The following LGALS9 variants were observed in gnomAD, a reference collection of about 807,000 sequenced individuals.
The protein encoded by LGALS9 is galectin-9.
Under a neutral mutation model 35.9 loss-of-function variants are expected in LGALS9, and 26 were observed. The observed-to-expected ratio is 0.72, with a 90% CI of 0.53 to 1.01. LGALS9 has a LOEUF of 1.01. Ranked by LOEUF, LGALS9 falls within the 50% of genes least tolerant of loss-of-function variation. The probability of loss-of-function intolerance (pLI) is 0.00; values close to 1 mark genes in which losing one functional copy is unlikely to be tolerated. For synonymous variants in LGALS9, 149 were observed against 172.2 expected (o/e 0.87, Z 1.06); for missense variants, 347 against 445.8 (o/e 0.78, Z 1.99).
At position 27,648,867 on chromosome 17, in the gene LGALS9, A is replaced by C. The variant is rs543186223; in HGVS notation, c.953A>C (p.Lys318Thr). The stretch of plus-strand genomic sequence containing the variant: ...ATCTTGTGTGAAGCTCACTGCCTCA[A>C]GGTGGCCGTGGATGGTCAGCACCTG... The part of the protein sequence containing the change: ...VWILCEAHCL[K>T]VAVDGQHLFE... The change falls in exon 11 of 11, where the codon AAG (lysine) becomes ACG (threonine). Residue 318 changes from lysine to threonine, a missense_variant. Physicochemically the swap from Lys to Thr is moderately conservative, Grantham distance 78. Coordinates refer to ENST00000395473, the MANE Select transcript of LGALS9 (RefSeq NM_009587.3). 1 of 1,613,884 alleles carries C rather than the reference A, an allele frequency of 6.2e-7. No homozygotes were observed. The highest frequency in any genetic ancestry group is 1.3e-5 in the African/African-American group (1 of 75,002).
intron 5 of LGALS9, 71 bp downstream of exon 5, chr17:27,643,691 C>T (rs891820259): frequency 2.2e-5 from 33 of 1,510,080 alleles, no homozygotes; most frequent in Non-Finnish European, 2.9e-5. Context: ...AGAGGCTGGC[C>T]CCAGCCAGCA....
intron 7 of LGALS9, 92 bp from the exon 8 acceptor site, chr17:27,646,455 T>G: frequency 6.3e-7 from 1 of 1,589,980 alleles, no homozygotes; most frequent in Non-Finnish European, 8.6e-7. Flanking sequence ...AGCCTCACAG[T>G]GGAGTCCTCT....
intron 3 of LGALS9, among the ~76,000 whole-genome samples, chr17:27,641,513 C>A (rs1345165756): frequency 1.3e-5 from 2 of 152,126 alleles, no homozygotes; most frequent in African/African-American, 4.8e-5. Context: ...GGGGAAACAA[C>A]ACACCCTTGG....
chr17:27,634,924 C>A (rs1301909759), intron 1 of LGALS9, among the ~76,000 whole-genome samples: 4 of 152,176 alleles, frequency 2.6e-5, no homozygotes, highest in Non-Finnish European at 5.9e-5. Context: ...ACTTCCCCCA[C>A]CCACTTTTTA....
chr17:27,637,753 C>A (rs12449977), intron 1 of LGALS9, among the ~76,000 whole-genome samples: 3 of 152,068 alleles, frequency 2.0e-5, no homozygotes, highest in Non-Finnish European at 1.5e-5. Flanking sequence ...TCTTAACCTC[C>A]TCGGGTGAGT....
chr17:27,648,837 T>C lies in LGALS9; in HGVS notation c.923T>C (p.Val308Ala), dbSNP rs1395447807. 1 of 1,613,344 alleles carries C rather than the reference T, an allele frequency of 6.2e-7. No homozygotes were observed. The highest frequency in any genetic ancestry group is 8.5e-7 in the Non-Finnish European group (1 of 1,179,774). Residue 308 changes from valine to alanine, a missense_variant and splice_region_variant, in exon 11 of 11, where the codon GTG (valine) becomes GCG (alanine). Val to Ala is a moderately conservative substitution (Grantham distance 64). Coordinates refer to ENST00000395473, the MANE Select transcript of LGALS9 (RefSeq NM_009587.3). Reference sequence around the variant, plus strand: ...GCAAACGGCATGATCTCTGCACAGGTGTGGATCTTGTGTGAAGCTCACTGC... The same window carrying C: ...GCAAACGGCATGATCTCTGCACAGGCGTGGATCTTGTGTGAAGCTCACTGC... Reference protein sequence around the residue: ...MPFVRGQSFSVWILCEAHCLK... With the variant: ...MPFVRGQSFSAWILCEAHCLK...
intron 1 of LGALS9, among the ~76,000 whole-genome samples, chr17:27,635,545 G>A (rs1383242493): frequency 6.6e-6 from 1 of 152,230 alleles, no homozygotes; most frequent in East Asian, 1.9e-4. Flanking sequence ...ACCTCACAGA[G>A]CTTTTTTGGG....
chr17:27,648,718 G>T (rs1258307455), intron 10 of LGALS9, 118 bp from the exon 11 acceptor site: 1 of 1,554,294 alleles, frequency 6.4e-7, no homozygotes, highest in Non-Finnish European at 8.8e-7. Flanking sequence ...ATAGAGTGCA[G>T]GTGAGGGGCT....
At chr17:27,647,221 G>A (rs1342711645) in intron 9 of LGALS9, 49 bp from the exon 10 acceptor site, 1 of 1,613,542 alleles carries the variant, frequency 6.2e-7, no homozygotes, top group Non-Finnish European at 8.5e-7. Context: ...GGGAGGAAAT[G>A]GGACTCAGAA....
At chr17:27,631,437 A>G (rs1350636895) in intron 1 of LGALS9, 133 bp downstream of exon 1, 3 of 1,220,648 alleles carry the variant, frequency 2.5e-6, no homozygotes, top group African/African-American at 3.0e-5. Context: ...CAGGGCAGAA[A>G]TATCAGAGGA....
At chr17:27,641,272 T>C (rs1324767846) in intron 3 of LGALS9, among the ~76,000 whole-genome samples, 2 of 152,126 alleles carry the variant, frequency 1.3e-5, no homozygotes. Flanking sequence ...ATGTCCCCAT[T>C]CGTTCAGTAT....
At chr17:27,646,639 G>T (rs776122101) in intron 8 of LGALS9, 51 bp downstream of exon 8, 7 of 1,612,592 alleles carry the variant, frequency 4.3e-6, no homozygotes, top group South Asian at 1.1e-5. Flanking sequence ...TGGGCAGGCT[G>T]GGGGTGAAGG....
chr17:27,643,375 T>C (rs1904666307), intron 4 of LGALS9, 150 bp from the exon 5 acceptor site: 3 of 1,261,366 alleles, frequency 2.4e-6, no homozygotes, highest in African/African-American at 1.5e-5. Context: ...AGCCTGGCTC[T>C]TTCCCATCCC....
rs182583916 is a variant in LGALS9, at chr17:27,645,095, G to A, written c.541-219G>A. On this transcript the variant is annotated intron_variant, in intron 5 of 10. Coordinates refer to ENST00000395473, the MANE Select transcript of LGALS9 (RefSeq NM_009587.3). Reference sequence around the variant, plus strand: ...GTCTCCTCTCTCTCGAGAGGAACCAGTGGGGATACCCTACCCCCCAACCCC... The same window carrying A: ...GTCTCCTCTCTCTCGAGAGGAACCAATGGGGATACCCTACCCCCCAACCCC... The A allele has an allele frequency of 3.5e-3, 2,756 of 790,948 alleles. 14 individuals are homozygous for A. Among genetic ancestry groups the A allele is most frequent in the South Asian group, 7.6e-3 (422 of 55,842 alleles). 49.0% of individuals were successfully genotyped at this position (790,948 alleles called of 1,614,324 possible).
chr17:27,639,577 A>AT (rs1904328165), intron 2 of LGALS9, among the ~76,000 whole-genome samples: 1 of 151,942 alleles, frequency 6.6e-6, no homozygotes, highest in Non-Finnish European at 1.5e-5. Context: ...TAATTAATTA[A>AT]TTTTTTTCTT....
chr17:27,633,861 TTCA>T (rs1407424359), intron 1 of LGALS9, among the ~76,000 whole-genome samples: 7 of 152,164 alleles, frequency 4.6e-5, no homozygotes, highest in African/African-American at 1.7e-4. Context: ...TGTCCTGCCA[TTCA>T]GAGGAGGGAA....
chr17:27,635,489 A>G (rs1326823535), intron 1 of LGALS9, among the ~76,000 whole-genome samples: 1 of 143,236 alleles, frequency 7.0e-6, no homozygotes, highest in Non-Finnish European at 1.5e-5. Context: ...TAAATAAATA[A>G]TCTTGTTTTT....
chr17:27,640,630 C>T lies in LGALS9; in HGVS notation c.190C>T (p.Pro64Ser). ...SGNDIAFHFN[P>S]RFEDGGYVVC... ...AAATGACATTGCCTTCCACTTCAAC[C>T]CTCGGTTTGAAGATGGAGGGTACGT... The change falls in exon 3 of 11, where the codon CCT becomes TCT. Residue 64 changes from proline (P) to serine (S), a missense_variant. Physicochemically the swap from Pro to Ser is moderately conservative, Grantham distance 74. Coordinates refer to ENST00000395473, the MANE Select transcript of LGALS9 (RefSeq NM_009587.3). 6.2e-7 allele frequency: 1 copy of T among 1,614,182 alleles called. No individual in the cohort carries two copies. Among genetic ancestry groups the T allele is most frequent in the Admixed American group, 1.7e-5 (1 of 60,020 alleles).
chr17:27,635,115 G>A (rs2074432366), intron 1 of LGALS9, among the ~76,000 whole-genome samples: 1 of 152,224 alleles, frequency 6.6e-6, no homozygotes, highest in African/African-American at 2.4e-5. Flanking sequence ...TTATAATGCT[G>A]CAATGAATAA....
Sources: allele counts gnomAD v4.1 joint callset (sites outside exome capture counted in the v4.1 genomes callset), GRCh38; gene constraint gnomAD v4.1.1; transcripts MANE v1.5; gene names NCBI Gene and HGNC (gene_info 2026-07-23, HGNC 2026-07-21).